THSD1: variants seen among roughly 807,000 people sequenced by gnomAD.
The protein encoded by THSD1 is thrombospondin type-1 domain-containing protein 1.
Under a neutral mutation model 46.3 loss-of-function variants are expected in THSD1, and 34 were observed. The ratio of observed to expected loss-of-function variants is 0.74; its 90% confidence interval spans 0.56 to 0.98. The LOEUF is 0.98. THSD1 is among the 50% of genes least tolerant of loss of function. The pLI is 0.00. For missense variants in THSD1, 1,023 were observed against 1,058.3 expected (o/e 0.97, Z 0.46); for synonymous variants, 407 against 416.5 (o/e 0.98, Z 0.28).
At position 52,386,134 on chromosome 13, in the gene THSD1, A is replaced by G; in HGVS notation, c.1074T>C (p.Asp358=). The G allele has an allele frequency of 6.2e-7, 1 of 1,614,178 alleles. No homozygotes were observed. The highest frequency in any genetic ancestry group is 8.5e-7 in the Non-Finnish European group (1 of 1,180,034). The change falls in exon 4 of 5, where the codon GAT becomes GAC. Residue 358 remains aspartate, a synonymous_variant. Coordinates refer to ENST00000258613, the MANE Select transcript of THSD1 (RefSeq NM_018676.4). ...ACACTCGGCGACGCTCTCTGACACC[A>G]TCCCCACATGTGGCACTACACTGGC... ...PWSQCSATCG[D]GVRERRRVCL... is the part of the protein sequence containing the mutation.
chr13:52,396,963 A>G (rs558122464), intron 3 of THSD1, among the ~76,000 whole-genome samples: 7 of 152,340 alleles, frequency 4.6e-5, no homozygotes, highest in African/African-American at 1.7e-4. Context: ...TGAGAGTGTT[A>G]CATGTTGATT....
At chr13:52,393,583 G>A (rs1275109756) in intron 3 of THSD1, among the ~76,000 whole-genome samples, 4 of 152,084 alleles carry the variant, frequency 2.6e-5, no homozygotes, top group Admixed American at 6.6e-5. Context: ...GCTAGAACCC[G>A]GGAGGTGGCA....
Position 52,380,734 on chromosome 13 carries a change from T to C in THSD1, c.1181-1945A>G, listed in dbSNP as rs1010595508. On this transcript the variant is annotated intron_variant, in intron 4 of 4. Coordinates refer to ENST00000258613, the MANE Select transcript of THSD1 (RefSeq NM_018676.4). ...AAGTGCTGGGATTACACATACTTTC[T>C]TTATAAGTAAACAGGGCAAGAAGCA... is the stretch of plus-strand genomic sequence containing the variant. 2.0e-5 allele frequency among the ~76,000 whole-genome samples: 3 copies of C among 152,070 alleles called. No homozygotes were observed. In the East Asian group the frequency reaches 5.8e-4, roughly 29 times the overall value.
At chr13:52,390,378 G>A (rs917864591) in intron 3 of THSD1, among the ~76,000 whole-genome samples, 2 of 152,138 alleles carry the variant, frequency 1.3e-5, no homozygotes, top group Non-Finnish European at 2.9e-5. Context: ...TTTGGAGTGA[G>A]TAATGGAATA....
At chr13:52,401,950 C>T (rs922743918) in intron 2 of THSD1, among the ~76,000 whole-genome samples, 2 of 152,188 alleles carry the variant, frequency 1.3e-5, no homozygotes, top group Non-Finnish European at 2.9e-5. Flanking sequence ...GAGAAATGAA[C>T]TCAATTTTTA....
chr13:52,401,173 C>G (rs1205401860), intron 2 of THSD1, among the ~76,000 whole-genome samples: 5 of 152,146 alleles, frequency 3.3e-5, no homozygotes, highest in African/African-American at 1.2e-4. Flanking sequence ...CGGGGTTTCA[C>G]CATGTTGGCC....
In THSD1 at chr13:52,397,926, G is replaced by T; in HGVS notation, c.327C>A (p.Asp109Glu). ...CCCACCAGGGGAATGGAGTGCTGTT[G>T]TCTGTTGCTTCTGGAGTCATTGTGA... ...YWFTMTPEAT[D>E]NSTPFPWWEK... Residue 109 changes from aspartate to glutamate, a missense_variant, in exon 3 of 5, where the codon GAC (aspartate) becomes GAA (glutamate). Physicochemically the swap from Asp to Glu is conservative, Grantham distance 45 (BLOSUM62 2). Around this residue, in one of 3 missense-constraint regions of THSD1, gnomAD observed 429 missense variants for 518.3 expected, o/e 0.83. Transcript: ENST00000258613. The T allele has an allele frequency of 6.2e-7, 1 of 1,614,240 alleles. No homozygotes were observed. Among genetic ancestry groups the T allele is most frequent in the Non-Finnish European group, 8.5e-7 (1 of 1,180,048 alleles).
At chr13:52,395,083 G>A (rs924912734) in intron 3 of THSD1, among the ~76,000 whole-genome samples, 2 of 152,172 alleles carry the variant, frequency 1.3e-5, no homozygotes, top group African/African-American at 4.8e-5. Flanking sequence ...GGATGTGGGG[G>A]CAGCCTGACC....
At chr13:52,384,378 T>C (rs1247962303) in intron 4 of THSD1, 1 of 455,990 alleles carries the variant, frequency 2.2e-6, no homozygotes, top group East Asian at 6.9e-5. Flanking sequence ...TCTAGCTTCA[T>C]GATCTTGGAC....
intron 2 of THSD1, among the ~76,000 whole-genome samples, chr13:52,401,731 G>C (rs1434005048): frequency 6.6e-6 from 1 of 152,210 alleles, no homozygotes; most frequent in Non-Finnish European, 1.5e-5. Context: ...CACAGGCTCT[G>C]GTCCATTTAA....
Position 52,378,071 on chromosome 13 carries a change from C to T in THSD1, c.1899G>A (p.Val633=), listed in dbSNP as rs926506050. The change falls in exon 5 of 5, where the codon GTG becomes GTA. Residue 633 remains valine, a synonymous_variant. Coordinates refer to ENST00000258613, the MANE Select transcript of THSD1 (RefSeq NM_018676.4). Reference sequence around the variant, plus strand: ...TTTCGGACGGGCCCCCTCTGCTGCCCACGTGCCTTGCCTGTGACTTGCGGA... The same window carrying T: ...TTTCGGACGGGCCCCCTCTGCTGCCTACGTGCCTTGCCTGTGACTTGCGGA... ...TLIRKSQARH[V]GSRGGPSERS... is the part of the protein sequence containing the mutation. 2 of 1,614,074 alleles carry T rather than the reference C, an allele frequency of 1.2e-6. No homozygotes were observed. The highest frequency in any genetic ancestry group is 1.7e-6 in the Non-Finnish European group (2 of 1,180,042).
At position 52,377,312 on chromosome 13, in the gene THSD1, C is replaced by T; in HGVS notation, c.*99G>A. 7.1e-7 allele frequency: 1 copy of T among 1,407,454 alleles called. No homozygotes were observed. The highest frequency in any genetic ancestry group is 2.5e-5 in the East Asian group (1 of 39,606). 87.2% of individuals were successfully genotyped at this position (1,407,454 alleles called of 1,614,324 possible). ...ACACATCCTCCTCTGTGTGTTACTT[C>T]CTCCTCACATTCTGTCCTACGGTAC... On this transcript the variant is annotated 3_prime_UTR_variant, in exon 5 of 5. Coordinates refer to ENST00000258613, the MANE Select transcript of THSD1 (RefSeq NM_018676.4).
rs375765085 is a variant in THSD1 at position 52,394,081 on chromosome 13, C to T, written c.1021+3151G>A. 2.0e-5 allele frequency among the ~76,000 whole-genome samples: 3 copies of T among 152,276 alleles called. No homozygotes were observed. In the East Asian group the frequency reaches 5.8e-4, roughly 29 times the overall value. On this transcript the variant is annotated intron_variant, in intron 3 of 4. Transcript: ENST00000258613. ...CCCTCCACCTAGACACACAGAGAACCACTCCCGTTCTGCCCTTTTCCAGCG... is the reference window on the plus strand; with the variant it reads ...CCCTCCACCTAGACACACAGAGAACTACTCCCGTTCTGCCCTTTTCCAGCG...
intron 3 of THSD1, among the ~76,000 whole-genome samples, chr13:52,394,417 C>A (rs61958016): frequency 0.039 from 5,905 of 152,142 alleles, 139 homozygotes; most frequent in South Asian, 0.069. Context: ...AGTTCAAGAC[C>A]AGCCTGGCCA....
Position 52,397,227 on chromosome 13 carries a change from C to A in THSD1, c.1021+5G>T, listed in dbSNP as rs1594103112. 1.9e-6 allele frequency: 3 copies of A among 1,548,562 alleles called. No individual in the cohort carries two copies. Among genetic ancestry groups the A allele is most frequent in the Middle Eastern group, 1.8e-4 (1 of 5,710 alleles). ...TTAAAATGTTAAAAAAATCTCAATA[C>A]AAACCTGTATTTCTCTGAATTAGCA... On this transcript the variant is annotated splice_donor_5th_base_variant and intron_variant, in intron 3 of 4. Coordinates refer to ENST00000258613, the MANE Select transcript of THSD1 (RefSeq NM_018676.4).
chr13:52,403,936 ACATT>A (rs1957885587), intron 1 of THSD1, among the ~76,000 whole-genome samples: 1 of 127,596 alleles, frequency 7.8e-6, no homozygotes, highest in Admixed American at 8.3e-5. Context: ...CCCATTATTC[ACATT>A]TTTTTTTTTT....
rs745726666 is a variant in THSD1, at chr13:52,378,755, G to C, written c.1215C>G (p.Pro405=). Residue 405 remains proline (P), a synonymous_variant, in exon 5 of 5, where the codon CCC becomes CCG. Coordinates refer to ENST00000258613, the MANE Select transcript of THSD1 (RefSeq NM_018676.4). ...FQPSSPSPLQ[P]QGPVKSNNIV... is the part of the protein sequence containing the mutation. ...TGTTGTTGGACTTCACTGGACCCTGGGGCTGAAGAGGAGATGGGCTGGATG... is the reference window on the plus strand; with the variant it reads ...TGTTGTTGGACTTCACTGGACCCTGCGGCTGAAGAGGAGATGGGCTGGATG... 1.2e-6 allele frequency: 2 copies of C among 1,609,444 alleles called. No homozygotes were observed. The highest frequency in any genetic ancestry group is 3.3e-5 in the Admixed American group (2 of 59,834).
At chr13:52,383,242 T>A (rs1243737750) in intron 4 of THSD1, among the ~76,000 whole-genome samples, 1 of 152,152 alleles carries the variant, frequency 6.6e-6, no homozygotes. Flanking sequence ...TCATAAACAC[T>A]AGTTTAACTG....
chr13:52,398,279 A>T lies in THSD1; in HGVS notation c.59-85T>A, dbSNP rs1220172104. The T allele has an allele frequency of 1.2e-5, 18 of 1,508,116 alleles. No individual in the cohort carries two copies. The South Asian group carries it at 1.3e-4, about 11-fold the overall frequency. The allele number at this position is 1,508,116 out of a possible 1,614,324, so 93.4% of individuals were successfully genotyped here. A position where few individuals can be genotyped will look rare whatever the true frequency, so the allele number is the denominator to read the frequency against. On this transcript the variant is annotated intron_variant, in intron 2 of 4. Transcript: ENST00000258613. ...ACATTGATGAAAACAGAATTTTTAA[A>T]TTTTTTTTTGAGACAGGGTCTCATG...
Sources: allele counts gnomAD v4.1 joint callset (sites outside exome capture counted in the v4.1 genomes callset), GRCh38; gene constraint gnomAD v4.1.1; regional missense constraint gnomAD v4.1.1; transcripts MANE v1.5; gene names NCBI Gene and HGNC (gene_info 2026-07-23, HGNC 2026-07-21).